Variants in FCHSD2 observed in about 807,000 individuals in gnomAD.
The protein encoded by FCHSD2 is F-BAR and double SH3 domains protein 2.
A neutral mutation model predicts 108.1 loss-of-function variants in FCHSD2; 38 were observed. The observed-to-expected ratio is 0.35, with a 90% CI of 0.27 to 0.46. The LOEUF (loss-of-function observed/expected upper bound fraction) is 0.46. Among genes scored for constraint, FCHSD2 ranks in the 20% least tolerant of loss-of-function variants. FCHSD2 has a pLI of 1.00. For synonymous variants in FCHSD2, 279 were observed against 314.7 expected, an observed-to-expected ratio of 0.89 and a Z score of 1.20; for missense variants, 751 against 897.8, an observed-to-expected ratio of 0.84 and a Z score of 2.09.
chr11:72,887,025 C>T lies in FCHSD2; in HGVS notation c.1146+445G>A, dbSNP rs929090227. Among the ~76,000 whole-genome samples, 12 of 151,980 alleles carry T rather than the reference C, an allele frequency of 7.9e-5. No individual in the cohort carries two copies. In the East Asian group the frequency reaches 1.2e-3, roughly 15 times the overall value. On this transcript the variant is annotated intron_variant, in intron 12 of 19. Transcript: ENST00000409418. ...CCTATTCTTAAAAGCCCAGCTCATG[C>T]CCCTGGATCCAGGGAACCTTCCATA... is the stretch of plus-strand genomic sequence containing the variant.
intron 8 of FCHSD2, chr11:72,940,552 A>T: frequency 9.3e-7 from 1 of 1,079,252 alleles, no homozygotes; most frequent in South Asian, 1.2e-5. Flanking sequence ...GTCTCATGTC[A>T]TGCGCTTTCT....
At chr11:73,120,734 A>T (rs1300632480) in intron 2 of FCHSD2, among the ~76,000 whole-genome samples, 1 of 152,104 alleles carries the variant, frequency 6.6e-6, no homozygotes, top group Non-Finnish European at 1.5e-5. Context: ...TGTCTAAAAA[A>T]ATAATAATAA....
intron 3 of FCHSD2, among the ~76,000 whole-genome samples, chr11:73,052,617 A>T (rs925107844): frequency 6.6e-6 from 1 of 152,200 alleles, no homozygotes; most frequent in Non-Finnish European, 1.5e-5. Context: ...CAATGAAACA[A>T]ATTCTTAGTG....
intron 3 of FCHSD2, among the ~76,000 whole-genome samples, chr11:73,058,511 C>G (rs1859084579): frequency 6.6e-6 from 1 of 151,588 alleles, no homozygotes; most frequent in African/African-American, 2.4e-5. Context: ...GGAAAGGCTT[C>G]AAGATCTTTA....
chr11:73,103,488 C>A (rs1432734921), intron 2 of FCHSD2, among the ~76,000 whole-genome samples: 1 of 152,156 alleles, frequency 6.6e-6, no homozygotes, highest in Non-Finnish European at 1.5e-5. Context: ...AACCAAATAT[C>A]TGCCGCCTTC....
chr11:72,904,479 A>C (rs1300195024), intron 9 of FCHSD2, among the ~76,000 whole-genome samples: 1 of 152,198 alleles, frequency 6.6e-6, no homozygotes, highest in African/African-American at 2.4e-5. Context: ...CCCAGTTTCC[A>C]AAACATCCCC....
intron 8 of FCHSD2, among the ~76,000 whole-genome samples, chr11:72,930,975 G>A (rs1398096939): frequency 1.3e-5 from 2 of 151,682 alleles, no homozygotes; most frequent in African/African-American, 2.4e-5. Flanking sequence ...ATGCTTGAGG[G>A]GATGGATACC....
intron 8 of FCHSD2, among the ~76,000 whole-genome samples, chr11:72,953,819 T>C (rs1192361122): frequency 6.6e-6 from 1 of 152,226 alleles, no homozygotes. Flanking sequence ...TATCGAGTTC[T>C]GTGGCTCTCT....
intron 3 of FCHSD2, among the ~76,000 whole-genome samples, chr11:73,033,180 C>T (rs905523266): frequency 3.3e-5 from 5 of 151,214 alleles, no homozygotes; most frequent in South Asian, 4.2e-4. Flanking sequence ...TCCAGCTACT[C>T]GGGAGGCTGA....
chr11:72,856,003 T>G (rs887447362), intron 13 of FCHSD2, among the ~76,000 whole-genome samples: 1 of 152,220 alleles, frequency 6.6e-6, no homozygotes, highest in Non-Finnish European at 1.5e-5. Context: ...CAAGCACTTA[T>G]TTGGCTGCTT....
At chr11:73,054,366 G>A (rs1422801718) in intron 3 of FCHSD2, among the ~76,000 whole-genome samples, 4 of 151,688 alleles carry the variant, frequency 2.6e-5, no homozygotes, top group African/African-American at 7.3e-5. Context: ...ATTCCAACAC[G>A]CAGACAGGGG....
intron 3 of FCHSD2, among the ~76,000 whole-genome samples, chr11:73,026,140 A>AT (rs1229069795): frequency 1.3e-5 from 2 of 151,936 alleles, no homozygotes; most frequent in Non-Finnish European, 2.9e-5. Flanking sequence ...CACCCAGCTC[A>AT]TTTTTTTATT....
intron 1 of FCHSD2, among the ~76,000 whole-genome samples, chr11:73,141,583 T>TGC (rs1331483435): frequency 6.6e-6 from 1 of 152,128 alleles, no homozygotes; most frequent in African/African-American, 2.4e-5. Context: ...AGCATTGCCA[T>TGC]GCGCGCGCAC....
chr11:73,119,247 G>A (rs975063320), intron 2 of FCHSD2, among the ~76,000 whole-genome samples: 1 of 150,704 alleles, frequency 6.6e-6, no homozygotes, highest in Non-Finnish European at 1.5e-5. Context: ...AGGTTGTAGT[G>A]AGCCAAGATC....
chr11:73,133,173 A>C (rs1861044097), intron 2 of FCHSD2, among the ~76,000 whole-genome samples: 1 of 152,256 alleles, frequency 6.6e-6, no homozygotes, highest in African/African-American at 2.4e-5. Context: ...GCTGGTGGGA[A>C]TATAAAATGG....
intron 8 of FCHSD2, among the ~76,000 whole-genome samples, chr11:72,923,600 A>G (rs760316080): frequency 6.6e-6 from 1 of 152,002 alleles, no homozygotes. Context: ...GGCCATTTGT[A>G]TATCTTCTTT....
intron 3 of FCHSD2, 123 bp from the exon 4 acceptor site, chr11:73,016,008 A>G: frequency 1.6e-6 from 1 of 625,998 alleles, no homozygotes; most frequent in East Asian, 3.0e-5. Context: ...AGAAGTGAAA[A>G]AAAACAATGA....
intron 2 of FCHSD2, among the ~76,000 whole-genome samples, chr11:73,090,561 A>G (rs1487984649): frequency 6.6e-6 from 1 of 152,084 alleles, no homozygotes; most frequent in African/African-American, 2.4e-5. Flanking sequence ...CCTCACGTCA[A>G]AAACTGTCCT....
At chr11:72,869,540 T>A (rs1456271853) in intron 12 of FCHSD2, 7 of 151,648 alleles carry the variant, frequency 4.6e-5, no homozygotes, top group African/African-American at 1.5e-4. Context: ...TTTTTTTTTT[T>A]AATAAAAGTA....
Sources: allele counts gnomAD v4.1 joint callset (sites outside exome capture counted in the v4.1 genomes callset), GRCh38; gene constraint gnomAD v4.1.1; transcripts MANE v1.5; gene names NCBI Gene and HGNC (gene_info 2026-07-23, HGNC 2026-07-21).